PEBP4: variants seen among roughly 807,000 people sequenced by gnomAD.
PEBP4 encodes the protein phosphatidylethanolamine-binding protein 4.
Under a neutral mutation model 23.9 loss-of-function variants are expected in PEBP4, and 22 were observed. The observed-to-expected ratio is 0.92, with a 90% CI of 0.66 to 1.31. PEBP4 has a LOEUF of 1.31. Among genes scored for constraint, PEBP4 ranks in the 40% most tolerant of loss-of-function variants. The pLI is 0.00. For missense variants in PEBP4, 324 were observed against 281.7 expected, an observed-to-expected ratio of 1.15 and a Z score of -1.07; for synonymous variants, 112 against 99.3, an observed-to-expected ratio of 1.13 and a Z score of -0.76.
chr8:22,818,294 G>C (rs893312251), intron 3 of PEBP4, among the ~76,000 whole-genome samples: 1 of 152,192 alleles, frequency 6.6e-6, no homozygotes, highest in South Asian at 2.1e-4. Flanking sequence ...GGAAGCTTTT[G>C]TTCTAGGTAA....
At chr8:22,740,956 T>C (rs979133628) in intron 4 of PEBP4, among the ~76,000 whole-genome samples, 1 of 152,116 alleles carries the variant, frequency 6.6e-6, no homozygotes. Flanking sequence ...CCCCAGATCA[T>C]GCTCCCCCCA....
intron 4 of PEBP4, among the ~76,000 whole-genome samples, chr8:22,813,505 G>A (rs1267228847): frequency 6.6e-6 from 1 of 152,102 alleles, no homozygotes; most frequent in Non-Finnish European, 1.5e-5. Context: ...GAAAATATCT[G>A]CATGAAAAGC....
intron 4 of PEBP4, among the ~76,000 whole-genome samples, chr8:22,779,286 C>T (rs1056576065): frequency 3.3e-5 from 5 of 152,156 alleles, no homozygotes; most frequent in Admixed American, 6.5e-5. Context: ...GTACCAGGCA[C>T]GGGTGCTCCC....
intron 4 of PEBP4, among the ~76,000 whole-genome samples, chr8:22,784,612 A>G (rs1805992371): frequency 6.6e-6 from 1 of 152,182 alleles, no homozygotes; most frequent in African/African-American, 2.4e-5. Flanking sequence ...ACGCCTTGTT[A>G]GGAGAAGCTA....
intron 3 of PEBP4, among the ~76,000 whole-genome samples, chr8:22,877,695 C>T (rs886378821): frequency 6.6e-5 from 10 of 151,682 alleles, no homozygotes; most frequent in South Asian, 4.2e-4. Flanking sequence ...ATGAAACCCA[C>T]GGGGACAACC....
intron 3 of PEBP4, among the ~76,000 whole-genome samples, chr8:22,908,967 G>A (rs991024496): frequency 1.3e-5 from 2 of 152,136 alleles, no homozygotes; most frequent in African/African-American, 4.8e-5. Flanking sequence ...ATGGCAGAAG[G>A]GCATTTCCAC....
intron 4 of PEBP4, among the ~76,000 whole-genome samples, chr8:22,766,842 A>T (rs1400535163): frequency 1.3e-5 from 2 of 152,206 alleles, no homozygotes. Flanking sequence ...GGTGGGTCAC[A>T]GCACAGGCCT....
chr8:22,785,005 G>A (rs1585270898), intron 4 of PEBP4, among the ~76,000 whole-genome samples: 1 of 152,166 alleles, frequency 6.6e-6, no homozygotes, highest in East Asian at 1.9e-4. Context: ...CGTGTGCACG[G>A]TTTGCGCATG....
intron 4 of PEBP4, among the ~76,000 whole-genome samples, chr8:22,797,674 C>T (rs572473588): frequency 2.1e-4 from 32 of 152,126 alleles, no homozygotes; most frequent in African/African-American, 7.2e-4. Context: ...TGGTAGACCC[C>T]GTAGGGTCCA....
In PEBP4 at chr8:22,768,872, G is replaced by A. The variant is rs145659153; in HGVS notation, c.358-41652C>T. On this transcript the variant is annotated intron_variant, in intron 4 of 6. Coordinates refer to ENST00000256404, the MANE Select transcript of PEBP4 (RefSeq NM_144962.3). ...GAAGGTTCTAGAGGCCGAAGGAACC[G>A]CCCGTTCCTATCCTGGTGTTTGTGT... Among the ~76,000 whole-genome samples the A allele has an allele frequency of 1.4e-3, 212 of 152,294 alleles. 1 individual carries two copies. Among genetic ancestry groups the A allele is most frequent in the African/African-American group, 4.7e-3 (194 of 41,554 alleles).
At chr8:22,859,446 G>C (rs943227022) in intron 3 of PEBP4, among the ~76,000 whole-genome samples, 6 of 152,162 alleles carry the variant, frequency 3.9e-5, no homozygotes, top group African/African-American at 9.7e-5. Context: ...AAAGCCAGCA[G>C]AGGAAGCAGC....
Position 22,782,637 on chromosome 8 carries a change from G to T in PEBP4, c.357+35000C>A, listed in dbSNP as rs144610443. Among the ~76,000 whole-genome samples, 125 of 152,210 alleles carry T rather than the reference G, an allele frequency of 8.2e-4. 2 individuals carry two copies. In the East Asian group the frequency reaches 0.024, roughly 29 times the overall value. ...CAGGACTCATGAATAGTCTTCGAGG[G>T]GTCTGCAAATGACCACAAATTGCAA... On this transcript the variant is annotated intron_variant, in intron 4 of 6. Transcript: ENST00000256404.
chr8:22,771,168 G>T (rs1038584740), intron 4 of PEBP4, among the ~76,000 whole-genome samples: 2 of 152,170 alleles, frequency 1.3e-5, no homozygotes, highest in Non-Finnish European at 2.9e-5. Flanking sequence ...TTAACACAAT[G>T]CATTGACAGT....
At chr8:22,895,928 T>A (rs911304358) in intron 3 of PEBP4, 4 of 152,268 alleles carry the variant, frequency 2.6e-5, no homozygotes, top group African/African-American at 4.8e-5. Context: ...CTGCTTCCCA[T>A]GGGCAGGTTT....
chr8:22,879,395 A>G (rs1377259397), intron 3 of PEBP4: 1 of 152,254 alleles, frequency 6.6e-6, no homozygotes, highest in Non-Finnish European at 1.5e-5. Context: ...ACGTCTTGTG[A>G]ACGCATGAAT....
intron 1 of PEBP4, 33 bp downstream of exon 1, chr8:22,927,790 C>A: frequency 6.3e-7 from 1 of 1,582,884 alleles, no homozygotes; most frequent in South Asian, 1.1e-5. Flanking sequence ...CCTGTGCCCC[C>A]GACCCCAGGG....
chr8:22,752,179 G>T (rs1338859340), intron 4 of PEBP4, among the ~76,000 whole-genome samples: 1 of 152,168 alleles, frequency 6.6e-6, no homozygotes, highest in African/African-American at 2.4e-5. Context: ...AAAGTGCTGG[G>T]ATCACAGGCG....
At chr8:22,931,574 G>GT (rs5890080), upstream of PEBP4, among the ~76,000 whole-genome samples, 68,311 of 143,998 alleles carry the variant, frequency 0.47, 17,272 homozygotes, top group African/African-American at 0.7. Flanking sequence ...AATTCAAGCA[G>GT]TTTTTTTTGT....
At chr8:22,730,940 C>T (rs561676883) in intron 4 of PEBP4, among the ~76,000 whole-genome samples, 1 of 152,276 alleles carries the variant, frequency 6.6e-6, no homozygotes, top group Admixed American at 6.5e-5. Context: ...GGTAAGAGCT[C>T]CCTCACACCT....
Sources: allele counts gnomAD v4.1 joint callset (sites outside exome capture counted in the v4.1 genomes callset), GRCh38; gene constraint gnomAD v4.1.1; transcripts MANE v1.5; gene names NCBI Gene and HGNC (gene_info 2026-07-23, HGNC 2026-07-21).